The following ITPR2 variants were observed in gnomAD, a reference collection of about 807,000 sequenced individuals.
ITPR2 encodes inositol 1,4,5-trisphosphate-gated calcium channel ITPR2.
ITPR2 carries 207 observed loss-of-function variants against 317.1 expected under a neutral mutation model. That is an observed-to-expected ratio of 0.65 (90% CI 0.58 to 0.73). ITPR2 has a LOEUF of 0.73. ITPR2 is among the 30% of genes least tolerant of loss of function. The pLI is 0.00. For synonymous variants in ITPR2, 1,156 were observed against 1,149.1 expected, an observed-to-expected ratio of 1.01 and a Z score of -0.12; for missense variants, 2,613 against 3,284.0, an observed-to-expected ratio of 0.80 and a Z score of 4.99.
chr12:26,405,915 G>A (rs921739744), intron 52 of ITPR2, among the ~76,000 whole-genome samples: 5 of 152,140 alleles, frequency 3.3e-5, no homozygotes, highest in East Asian at 1.9e-4. Flanking sequence ...CTGAGATTGT[G>A]CCATTGCACT....
chr12:26,446,850 T>C (rs900941443), intron 45 of ITPR2, among the ~76,000 whole-genome samples: 1 of 151,600 alleles, frequency 6.6e-6, no homozygotes, highest in African/African-American at 2.4e-5. Flanking sequence ...ATTTGAAATA[T>C]ATAATTGAAA....
intron 45 of ITPR2, among the ~76,000 whole-genome samples, chr12:26,448,623 C>A (rs1215250710): frequency 1.3e-5 from 2 of 152,042 alleles, no homozygotes; most frequent in Non-Finnish European, 2.9e-5. Context: ...AGATACAGTG[C>A]AAGCATACAG....
chr12:26,677,527 G>A (rs188636470), intron 13 of ITPR2, among the ~76,000 whole-genome samples: 3 of 152,144 alleles, frequency 2.0e-5, no homozygotes, highest in Non-Finnish European at 2.9e-5. Context: ...CTGAGCACAG[G>A]AGGTTGAAGC....
At chr12:26,535,033 T>C (rs1944049429) in intron 37 of ITPR2, among the ~76,000 whole-genome samples, 1 of 152,186 alleles carries the variant, frequency 6.6e-6, no homozygotes, top group South Asian at 2.1e-4. Flanking sequence ...ACAGGATTTT[T>C]TGAGTTCTCA....
In ITPR2 at chr12:26,493,520, T is replaced by C. The variant is rs147257622; in HGVS notation, c.5370+633A>G. Among the ~76,000 whole-genome samples, 13 of 152,232 alleles carry C rather than the reference T, an allele frequency of 8.5e-5. No homozygotes were observed. In the East Asian group the frequency reaches 2.5e-3, roughly 29 times the overall value. The stretch of plus-strand genomic sequence containing the variant: ...TAATCCTCAGTAGGGTGGCCATAAT[T>C]AACCATTTATTGTATATTTTCAAAC... On this transcript the variant is annotated intron_variant, in intron 39 of 56. Transcript: ENST00000381340.
intron 2 of ITPR2, among the ~76,000 whole-genome samples, chr12:26,767,681 T>G (rs1339212494): frequency 6.6e-6 from 1 of 152,250 alleles, no homozygotes; most frequent in African/African-American, 2.4e-5. Flanking sequence ...CAGTTTCACA[T>G]GAAGTCTCTT....
chr12:26,531,332 A>G (rs1382164588), intron 37 of ITPR2, among the ~76,000 whole-genome samples: 1 of 152,258 alleles, frequency 6.6e-6, no homozygotes. Context: ...AAAGATTTTC[A>G]CATTAAAGTC....
intron 45 of ITPR2, among the ~76,000 whole-genome samples, chr12:26,449,411 T>C (rs775154279): frequency 4.6e-5 from 7 of 152,216 alleles, no homozygotes; most frequent in Non-Finnish European, 8.8e-5. Context: ...CTTTTTTCTC[T>C]GATTCTGTGA....
intron 32 of ITPR2, among the ~76,000 whole-genome samples, chr12:26,589,060 C>T (rs1186205593): frequency 6.6e-6 from 1 of 152,170 alleles, no homozygotes; most frequent in East Asian, 1.9e-4. Flanking sequence ...TTCTGCCCTA[C>T]AAACACCAGT....
chr12:26,751,691 C>T (rs536632083), intron 2 of ITPR2, among the ~76,000 whole-genome samples: 1 of 152,116 alleles, frequency 6.6e-6, no homozygotes, highest in Non-Finnish European at 1.5e-5. Flanking sequence ...TATGGTGAAA[C>T]CCCGTCTCAA....
chr12:26,654,152 G>GC, intron 20 of ITPR2, 26 bp from the exon 21 acceptor site: 46 of 1,517,202 alleles, frequency 3.0e-5, no homozygotes, highest in Non-Finnish European at 3.8e-5. Flanking sequence ...AAAGCGGGGA[G>GC]GGGGAGGGTG....
intron 2 of ITPR2, among the ~76,000 whole-genome samples, chr12:26,770,085 G>A (rs1051344225): frequency 2.0e-5 from 3 of 152,142 alleles, no homozygotes; most frequent in Non-Finnish European, 4.4e-5. Context: ...TGATTAAAAT[G>A]TACTCTGTTG....
At chr12:26,608,058 T>G (rs2136764540) in intron 26 of ITPR2, among the ~76,000 whole-genome samples, 1 of 152,158 alleles carries the variant, frequency 6.6e-6, no homozygotes, top group African/African-American at 2.4e-5. Flanking sequence ...GAGGTGGAGC[T>G]TGCAGTGAGC....
intron 37 of ITPR2, among the ~76,000 whole-genome samples, chr12:26,538,266 A>G (rs1531928): frequency 0.57 from 85,935 of 151,982 alleles, 28,240 homozygotes; most frequent in Non-Finnish European, 0.76. Flanking sequence ...AAACCCCATA[A>G]AAGTTTAAGC....
intron 34 of ITPR2, among the ~76,000 whole-genome samples, chr12:26,562,181 G>A (rs1944837125): frequency 6.6e-6 from 1 of 152,158 alleles, no homozygotes; most frequent in Non-Finnish European, 1.5e-5. Flanking sequence ...ATTTCTTAAT[G>A]ATTCATGCTT....
intron 10 of ITPR2, among the ~76,000 whole-genome samples, chr12:26,689,747 G>A (rs934501993): frequency 1.3e-5 from 2 of 152,154 alleles, no homozygotes; most frequent in African/African-American, 2.4e-5. Flanking sequence ...CCATGTGCAA[G>A]TAGGAATTCC....
chr12:26,715,109 G>T (rs1446084669), intron 8 of ITPR2, among the ~76,000 whole-genome samples, 190 bp downstream of exon 8: 1 of 152,078 alleles, frequency 6.6e-6, no homozygotes, highest in Non-Finnish European at 1.5e-5. Flanking sequence ...CTACCACAGA[G>T]AAGACAGGCT....
intron 45 of ITPR2, among the ~76,000 whole-genome samples, chr12:26,452,472 G>A (rs1034362832): frequency 2.0e-5 from 3 of 151,872 alleles, no homozygotes; most frequent in Non-Finnish European, 2.9e-5. Flanking sequence ...CTAATTTCTA[G>A]GCTCATGAAT....
At chr12:26,557,554 G>A (rs555735588) in intron 35 of ITPR2, among the ~76,000 whole-genome samples, 4 of 152,288 alleles carry the variant, frequency 2.6e-5, no homozygotes, top group East Asian at 3.9e-4. Flanking sequence ...GTGTGAATCC[G>A]AAATCTGAGA....
Sources: gnomAD v4.1 joint callset for allele counts (sites outside exome capture counted in the v4.1 genomes callset) on GRCh38, gnomAD v4.1.1 for gene constraint, MANE v1.5 for transcripts, NCBI Gene and HGNC (gene_info 2026-07-23, HGNC 2026-07-21) for gene names.